DDX50: variants seen among roughly 807,000 people sequenced by gnomAD.
The protein encoded by DDX50 is ATP-dependent RNA helicase DDX50.
In DDX50, 56 loss-of-function variants were observed where a neutral mutation model predicts 94.8. The observed-to-expected ratio is 0.59, with a 90% CI of 0.48 to 0.74. DDX50 has a LOEUF of 0.74. DDX50 is among the 30% of genes least tolerant of loss of function. DDX50 has a pLI of 0.00. For missense variants in DDX50, 713 were observed against 881.2 expected (o/e 0.81, Z 2.42); for synonymous variants, 264 against 295.4 (o/e 0.89, Z 1.09).
chr10:68,936,974 T>TC lies in DDX50; in HGVS notation c.1636dup (p.Arg546ProfsTer31). The TC allele has an allele frequency of 6.2e-7, 1 of 1,610,364 alleles. No homozygotes were observed. Among genetic ancestry groups the TC allele is most frequent in the East Asian group, 2.2e-5 (1 of 44,844 alleles). On this transcript the variant is annotated frameshift_variant, in exon 12 of 15. Coordinates refer to ENST00000373585, the MANE Select transcript of DDX50 (RefSeq NM_024045.2). LOFTEE classifies it high-confidence loss of function. ...GTTTCTTACGCTGCTGTTGATTTTT[T>TC]CCGACCATCAGCTCAGAGACTGATA...
intron 8 of DDX50, among the ~76,000 whole-genome samples, chr10:68,922,619 C>T (rs1780366546): frequency 1.3e-5 from 2 of 151,658 alleles, no homozygotes; most frequent in Non-Finnish European, 2.9e-5. Flanking sequence ...ATAGCAAGAC[C>T]CTGTCTCTAC....
At chr10:68,944,820 T>C (rs928996747) in intron 14 of DDX50, among the ~76,000 whole-genome samples, 1 of 152,074 alleles carries the variant, frequency 6.6e-6, no homozygotes, top group African/African-American at 2.4e-5. Context: ...GCTGGGATTA[T>C]AGTCTTGAGC....
At chr10:68,939,789 C>G (rs957910055) in intron 12 of DDX50, among the ~76,000 whole-genome samples, 1 of 152,092 alleles carries the variant, frequency 6.6e-6, no homozygotes, top group African/African-American at 2.4e-5. Context: ...TATTCCTGTT[C>G]GTGACGCTTA....
intron 7 of DDX50, among the ~76,000 whole-genome samples, chr10:68,914,957 G>A (rs1218600428): frequency 6.6e-6 from 1 of 150,782 alleles, no homozygotes; most frequent in African/African-American, 2.4e-5. Flanking sequence ...GGAGGTGGAG[G>A]TTGCAGTAAG....
At chr10:68,928,526 GTTTA>G (rs565495977) in intron 8 of DDX50, among the ~76,000 whole-genome samples, 104 of 152,202 alleles carry the variant, frequency 6.8e-4, no homozygotes, top group African/African-American at 1.4e-3. Context: ...TTAAAAAATT[GTTTA>G]TTTAAAGCAT....
intron 12 of DDX50, among the ~76,000 whole-genome samples, 173 bp from the exon 13 acceptor site, chr10:68,940,887 T>C (rs933534283): frequency 6.6e-6 from 1 of 152,232 alleles, no homozygotes; most frequent in Non-Finnish European, 1.5e-5. Flanking sequence ...CTTTCAATTA[T>C]CTATAAACAC....
At chr10:68,932,267 T>C (rs970744295) in intron 8 of DDX50, among the ~76,000 whole-genome samples, 10 of 152,308 alleles carry the variant, frequency 6.6e-5, no homozygotes, top group Middle Eastern at 6.8e-3. Context: ...TGTTATGAAC[T>C]TCTGTTTTTT....
chr10:68,925,070 C>T (rs1280257698), intron 8 of DDX50, among the ~76,000 whole-genome samples: 1 of 145,280 alleles, frequency 6.9e-6, no homozygotes, highest in African/African-American at 2.6e-5. Flanking sequence ...CACGTAGATA[C>T]AAGAATTATC....
intron 7 of DDX50, among the ~76,000 whole-genome samples, chr10:68,915,455 C>T (rs1028194606): frequency 5.9e-5 from 9 of 151,312 alleles, no homozygotes; most frequent in African/African-American, 1.9e-4. Context: ...CGGTGGCTCA[C>T]GCCTGTATTC....
intron 2 of DDX50, among the ~76,000 whole-genome samples, chr10:68,908,846 A>G (rs574763412): frequency 4.6e-5 from 7 of 152,060 alleles, no homozygotes; most frequent in African/African-American, 7.2e-5. Flanking sequence ...TTCATTCACT[A>G]TGTTGCCCAG....
chr10:68,921,182 C>CAA (rs71031805), intron 8 of DDX50, among the ~76,000 whole-genome samples: 18 of 142,048 alleles, frequency 1.3e-4, no homozygotes, highest in East Asian at 4.0e-4. Context: ...AAAGGATTTT[C>CAA]AAAAAAAAAA....
intron 8 of DDX50, 135 bp downstream of exon 8, chr10:68,920,116 A>G: frequency 1.9e-6 from 2 of 1,047,986 alleles, no homozygotes; most frequent in Non-Finnish European, 2.8e-6. Context: ...ATGGTGGCCC[A>G]CACCTGTAAT....
intron 4 of DDX50, 34 bp downstream of exon 4, chr10:68,911,280 T>C: frequency 6.8e-7 from 1 of 1,478,568 alleles, no homozygotes; most frequent in African/African-American, 1.4e-5. Flanking sequence ...CTTTAAATGT[T>C]ACTCTAACAG....
intron 4 of DDX50, 112 bp downstream of exon 4, chr10:68,911,358 C>T: frequency 8.6e-7 from 1 of 1,159,064 alleles, no homozygotes. Flanking sequence ...AGCGCTGTGG[C>T]ATAAAACAAA....
At chr10:68,920,192 C>A (rs1841903933) in intron 8 of DDX50, among the ~76,000 whole-genome samples, 1 of 152,144 alleles carries the variant, frequency 6.6e-6, no homozygotes, top group Admixed American at 6.5e-5. Context: ...GACAGGGTCT[C>A]CCTCTTATGC....
intron 14 of DDX50, among the ~76,000 whole-genome samples, chr10:68,945,668 A>G (rs1842654205): frequency 6.6e-6 from 1 of 152,190 alleles, no homozygotes; most frequent in Non-Finnish European, 1.5e-5. Context: ...AGCAAGATAT[A>G]AAATAGTGAT....
At chr10:68,914,967 G>T (rs2132031009) in intron 7 of DDX50, among the ~76,000 whole-genome samples, 1 of 149,370 alleles carries the variant, frequency 6.7e-6, no homozygotes, top group East Asian at 2.0e-4. Flanking sequence ...GTTGCAGTAA[G>T]CTGAGATTGC....
chr10:68,928,649 A>C (rs1842152921), intron 8 of DDX50, among the ~76,000 whole-genome samples: 1 of 152,210 alleles, frequency 6.6e-6, no homozygotes, highest in Non-Finnish European at 1.5e-5. Flanking sequence ...CCAGTCATTG[A>C]GTATATGGTA....
Position 68,913,414 on chromosome 10 carries a change from G to T in DDX50, c.781G>T (p.Asp261Tyr). Reference sequence around the variant, plus strand: ...AGTTAATCATATTCGAAATGGTATTGACATCTTGGTTGGAACACCTGGTCG... The same window carrying T: ...AGTTAATCATATTCGAAATGGTATTTACATCTTGGTTGGAACACCTGGTCG... ...SQINHIRNGI[D>Y]ILVGTPGRIK... is the part of the protein sequence containing the mutation. Residue 261 changes from aspartate to tyrosine, a missense_variant, in exon 6 of 15, where the codon GAC becomes TAC. By Grantham distance (160) the Asp-to-Tyr change is radical. This residue lies in a region of DDX50 where 428 missense variants were observed against 602.3 expected (regional missense o/e 0.71). Transcript: ENST00000373585. The T allele has an allele frequency of 6.2e-7, 1 of 1,613,392 alleles. No individual in the cohort carries two copies. The highest frequency in any genetic ancestry group is 1.1e-5 in the South Asian group (1 of 90,772).
Sources: gnomAD v4.1 joint callset for allele counts (sites outside exome capture counted in the v4.1 genomes callset) on GRCh38, gnomAD v4.1.1 for gene constraint, gnomAD v4.1.1 regional missense constraint, MANE v1.5 for transcripts, NCBI Gene and HGNC (gene_info 2026-07-23, HGNC 2026-07-21) for gene names.